NCOA6: variants seen among roughly 807,000 people sequenced by gnomAD.
NCOA6 encodes NRC RAP250.
In NCOA6, 49 loss-of-function variants were observed where a neutral mutation model predicts 171.4. The ratio of observed to expected loss-of-function variants is 0.29; its 90% CI spans 0.23 to 0.36. The LOEUF (loss-of-function observed/expected upper bound fraction) is 0.36, where lower values mean the gene tolerates loss of function less well. NCOA6 is among the 10% of genes least tolerant of loss of function. The pLI is 1.00. For missense variants in NCOA6, 2,248 were observed against 2,554.5 expected (o/e 0.88, Z 2.59); for synonymous variants, 910 against 927.5 (o/e 0.98, Z 0.34).
chr20:34,798,936 A>G (rs1051182322), intron 1 of NCOA6, among the ~76,000 whole-genome samples: 2 of 152,196 alleles, frequency 1.3e-5, no homozygotes, highest in Non-Finnish European at 2.9e-5. Context: ...CTAGACACCA[A>G]CAAACATCCA....
intron 12 of NCOA6, among the ~76,000 whole-genome samples, chr20:34,733,440 C>CAA (rs980998357): frequency 2.9e-4 from 44 of 152,298 alleles, no homozygotes; most frequent in African/African-American, 9.9e-4. Flanking sequence ...GCAATGAAGT[C>CAA]AGAGTGCCTG....
At chr20:34,780,544 T>C (rs180729477) in intron 3 of NCOA6, among the ~76,000 whole-genome samples, 3 of 152,174 alleles carry the variant, frequency 2.0e-5, no homozygotes, top group Admixed American at 6.5e-5. Flanking sequence ...TAGACAAGGT[T>C]TCACCATGTT....
At chr20:34,736,428 A>G (rs1356145042) in intron 12 of NCOA6, among the ~76,000 whole-genome samples, 1 of 152,230 alleles carries the variant, frequency 6.6e-6, no homozygotes, top group African/African-American at 2.4e-5. Context: ...TGGGTGGCAG[A>G]CAGACAATGG....
chr20:34,768,446 T>C lies in NCOA6; in HGVS notation c.514+18A>G. 4.3e-6 allele frequency: 7 copies of C among 1,612,534 alleles called. No individual in the cohort carries two copies. Among genetic ancestry groups the C allele is most frequent in the Non-Finnish European group, 5.9e-6 (7 of 1,179,556 alleles). On this transcript the variant is annotated intron_variant, in intron 5 of 14. Transcript: ENST00000359003. Reference sequence around the variant, plus strand: ...AGGAAACTAGTAAAATGTCATACAATTGAGTGGGAGGTCTTACCTGGACCA... The same window carrying C: ...AGGAAACTAGTAAAATGTCATACAACTGAGTGGGAGGTCTTACCTGGACCA...
intron 14 of NCOA6, among the ~76,000 whole-genome samples, chr20:34,721,238 CAAAAAAAAAAAAAAAAAA>C (rs10531679): frequency 1.5e-5 from 1 of 66,042 alleles, no homozygotes; most frequent in East Asian, 4.8e-4. Context: ...TTCCTCTATA[CAAAAAAAAAAAAAAAAAA>C]AAAAAAAAAA....
chr20:34,779,044 T>C (rs541451045), intron 3 of NCOA6, among the ~76,000 whole-genome samples: 2 of 151,958 alleles, frequency 1.3e-5, no homozygotes, highest in East Asian at 3.9e-4. Context: ...TATGAGTACA[T>C]TTAATTTCCA....
At chr20:34,787,688 A>G (rs970324573) in intron 2 of NCOA6, among the ~76,000 whole-genome samples, 13 of 152,162 alleles carry the variant, frequency 8.5e-5, no homozygotes, top group Non-Finnish European at 1.6e-4. Flanking sequence ...TTAGCCTTCA[A>G]GCGTTCTTGG....
intron 2 of NCOA6, among the ~76,000 whole-genome samples, chr20:34,785,053 C>A (rs7267403): frequency 0.34 from 52,210 of 151,726 alleles, 9,323 homozygotes; most frequent in Middle Eastern, 0.42. Context: ...TGCACTCCAG[C>A]CTAGGGGACA....
chr20:34,763,764 T>C (rs931838546), intron 5 of NCOA6, among the ~76,000 whole-genome samples: 5 of 152,172 alleles, frequency 3.3e-5, no homozygotes, highest in Non-Finnish European at 7.4e-5. Context: ...TTCTCCCACC[T>C]AACGTCTAGA....
intron 1 of NCOA6, among the ~76,000 whole-genome samples, chr20:34,812,126 G>A (rs1290771457): frequency 1.3e-5 from 2 of 151,968 alleles, no homozygotes; most frequent in African/African-American, 4.8e-5. Context: ...GGTGGCATGT[G>A]CCTGTAGTCC....
At chr20:34,779,061 T>C (rs1187325167) in intron 3 of NCOA6, among the ~76,000 whole-genome samples, 2 of 151,948 alleles carry the variant, frequency 1.3e-5, no homozygotes, top group African/African-American at 4.8e-5. Flanking sequence ...TCCACTAAAC[T>C]GTATACTTAA....
chr20:34,801,549 G>C (rs1336518587), intron 1 of NCOA6, among the ~76,000 whole-genome samples: 1 of 152,154 alleles, frequency 6.6e-6, no homozygotes, highest in Non-Finnish European at 1.5e-5. Flanking sequence ...GATCGTTAGA[G>C]GCTACTATAA....
At chr20:34,748,763 A>T (rs1378456494) in intron 9 of NCOA6, among the ~76,000 whole-genome samples, 1 of 152,228 alleles carries the variant, frequency 6.6e-6, no homozygotes, top group Non-Finnish European at 1.5e-5. Context: ...GTGGGGTTTT[A>T]AGCTTCTAGG....
chr20:34,743,677 G>C (rs1037221268), intron 10 of NCOA6, among the ~76,000 whole-genome samples: 4 of 152,148 alleles, frequency 2.6e-5, no homozygotes, highest in African/African-American at 9.7e-5. Flanking sequence ...GATGAAATGA[G>C]AAAAACTCCA....
Position 34,749,897 on chromosome 20 carries a change from C to T in NCOA6, c.2298G>A (p.Met766Ile). Residue 766 changes from methionine (M) to isoleucine (I), a missense_variant, in exon 9 of 15, where the codon ATG becomes ATA. By Grantham distance (10) the Met-to-Ile change is conservative. Coordinates refer to ENST00000359003, the MANE Select transcript of NCOA6 (RefSeq NM_014071.5). Reference sequence around the variant, plus strand: ...TGTTCACAGGCCCTTGCTGGGGCAGCATCTGTCCTGACATCTGTCCCGTAA... The same window carrying T: ...TGTTCACAGGCCCTTGCTGGGGCAGTATCTGTCCTGACATCTGTCCCGTAA... ...VQFTGQMSGQ[M>I]LPQQGPVNNS... The T allele has an allele frequency of 6.2e-7, 1 of 1,614,216 alleles. No homozygotes were observed. Among genetic ancestry groups the T allele is most frequent in the Non-Finnish European group, 8.5e-7 (1 of 1,180,042 alleles).
Position 34,758,850 on chromosome 20 carries a change from T to C in NCOA6, c.598A>G (p.Asn200Asp), listed in dbSNP as rs1457411981. ...GGAGTCCTGGGCTGCAGCTCTGGATTGGGGCCTGGTGCCATCATGGAAGAT... is the reference window on the plus strand; with the variant it reads ...GGAGTCCTGGGCTGCAGCTCTGGATCGGGGCCTGGTGCCATCATGGAAGAT... ...VSSSMMAPGPNPELQPRTPRP... is the reference protein window; with the variant it reads ...VSSSMMAPGPDPELQPRTPRP... The change falls in exon 6 of 15, where the codon AAT becomes GAT. Residue 200 changes from asparagine (N) to aspartate (D), a missense_variant. By Grantham distance (23) the Asn-to-Asp change is conservative. Around this residue, in one of 7 missense-constraint regions of NCOA6, gnomAD observed 987 missense variants for 1,104.7 expected, o/e 0.89. Transcript: ENST00000359003. The C allele has an allele frequency of 6.2e-7, 1 of 1,613,376 alleles. No homozygotes were observed. The highest frequency in any genetic ancestry group is 1.1e-5 in the South Asian group (1 of 90,864).
At chr20:34,773,173 C>G (rs1194561105) in intron 4 of NCOA6, among the ~76,000 whole-genome samples, 1 of 152,172 alleles carries the variant, frequency 6.6e-6, no homozygotes, top group African/African-American at 2.4e-5. Flanking sequence ...CAAGATGGAA[C>G]TGAGTACTTG....
intron 4 of NCOA6, among the ~76,000 whole-genome samples, chr20:34,771,753 G>A (rs1473591660): frequency 6.6e-6 from 1 of 152,182 alleles, no homozygotes; most frequent in Admixed American, 6.5e-5. Context: ...GCCTAGAACA[G>A]TTCTCTGCAC....
intron 3 of NCOA6, chr20:34,776,760 TG>T (rs2077336015): frequency 2.0e-6 from 1 of 490,020 alleles, no homozygotes; most frequent in South Asian, 1.5e-5. Flanking sequence ...GCATAGTACC[TG>T]GCACACCACA....
Sources: allele counts gnomAD v4.1 joint callset (sites outside exome capture counted in the v4.1 genomes callset), GRCh38; gene constraint gnomAD v4.1.1; regional missense constraint gnomAD v4.1.1; transcripts MANE v1.5; gene names NCBI Gene and HGNC (gene_info 2026-07-23, HGNC 2026-07-21).